SCAF4: variants seen among roughly 807,000 people sequenced by gnomAD.
SCAF4 encodes the protein SR-related CTD associated factor 4.
In SCAF4, 25 loss-of-function variants were observed where a neutral mutation model predicts 129.8. The observed-to-expected ratio is 0.19, with a 90% CI of 0.14 to 0.27. The LOEUF is 0.27. SCAF4 is among the 10% of genes least tolerant of loss of function. SCAF4 has a pLI of 1.00. For synonymous variants in SCAF4, 551 were observed against 497.7 expected, an observed-to-expected ratio of 1.11 and a Z score of -1.43; for missense variants, 1,246 against 1,457.1, an observed-to-expected ratio of 0.86 and a Z score of 2.36.
At chr21:31,698,481 C>T (rs1734101578) in intron 7 of SCAF4, among the ~76,000 whole-genome samples, 1 of 152,120 alleles carries the variant, frequency 6.6e-6, no homozygotes, top group South Asian at 2.1e-4. Flanking sequence ...TCCAGTTCAT[C>T]TGGAAAAGTA....
rs763615037 is a variant in SCAF4 at position 31,693,376 on chromosome 21, T to C, written c.1431A>G (p.Arg477=). ...TTTCTCGATCCCGTCTTTCTTGAGA[T>C]CGAGATCGGGGAGAATGTCGGCGTC... ...RDRRRHSPRS[R]SQERRDREKE... The change falls in exon 12 of 20, where the codon CGA becomes CGG. Residue 477 remains arginine (R), a synonymous_variant. Coordinates refer to ENST00000286835, the MANE Select transcript of SCAF4 (RefSeq NM_020706.2). The C allele has an allele frequency of 6.3e-7, 1 of 1,579,300 alleles. No homozygotes were observed. Among genetic ancestry groups the C allele is most frequent in the South Asian group, 1.1e-5 (1 of 87,968 alleles).
intron 1 of SCAF4, among the ~76,000 whole-genome samples, chr21:31,719,195 CAGG>C (rs1010215110): frequency 2.0e-5 from 3 of 151,958 alleles, no homozygotes; most frequent in African/African-American, 7.2e-5. Context: ...GAGGCTGAGC[CAGG>C]AGAATCACTT....
chr21:31,700,890 A>G, intron 7 of SCAF4, 105 bp downstream of exon 7: 1 of 1,253,560 alleles, frequency 8.0e-7, no homozygotes, highest in Non-Finnish European at 1.2e-6. Flanking sequence ...TCAAATTACA[A>G]AACGACATAA....
intron 1 of SCAF4, among the ~76,000 whole-genome samples, chr21:31,725,813 A>G (rs536535675): frequency 9.9e-5 from 15 of 152,248 alleles, no homozygotes; most frequent in Non-Finnish European, 1.8e-4. Context: ...TTATTAAACC[A>G]AAGTTTAAAT....
rs775784071 is a variant in SCAF4 at position 31,702,211 on chromosome 21, A to G, written c.457+33T>C. 1.9e-6 allele frequency: 3 copies of G among 1,612,782 alleles called. No individual in the cohort carries two copies. In the South Asian group the frequency reaches 3.3e-5, roughly 18 times the overall value. ...TGTTTCATGTGCAAAAAATCATACC[A>G]TTGTGTGAGCTCACAGATACATCTG... On this transcript the variant is annotated intron_variant, in intron 5 of 19. Coordinates refer to ENST00000286835, the MANE Select transcript of SCAF4 (RefSeq NM_020706.2).
rs1482278490 is a variant in SCAF4 at position 31,694,221 on chromosome 21, T to G, written c.1305A>C (p.Arg435Ser). 6.2e-7 allele frequency: 1 copy of G among 1,605,006 alleles called. No individual in the cohort carries two copies. The highest frequency in any genetic ancestry group is 8.5e-7 in the Non-Finnish European group (1 of 1,172,546). ...TAAATTACCTGGATGCTGACCTAGA[T>G]CTTGACTTTCTGTTATCAGACATAT... ...KRHMSDNRKSRSRSASRSPKR... is the reference protein window; with the variant it reads ...KRHMSDNRKSSSRSASRSPKR... Residue 435 changes from arginine to serine, a missense_variant, in exon 11 of 20, where the codon AGA (arginine) becomes AGC (serine). Transcript: ENST00000286835.
At chr21:31,687,781 G>A (rs1328579792) in intron 16 of SCAF4, among the ~76,000 whole-genome samples, 3 of 152,218 alleles carry the variant, frequency 2.0e-5, no homozygotes, top group Admixed American at 6.5e-5. Flanking sequence ...TGGATGGATA[G>A]ATGTAAGACA....
chr21:31,672,426 C>T (rs967803400), intron 19 of SCAF4, 72 bp from the exon 20 acceptor site: 9 of 1,164,674 alleles, frequency 7.7e-6, no homozygotes, highest in Admixed American at 2.1e-5. Flanking sequence ...TGTTCTGTGG[C>T]GCTTAAAGCA....
intron 15 of SCAF4, among the ~76,000 whole-genome samples, chr21:31,689,900 A>G (rs2050218762): frequency 6.6e-6 from 1 of 151,876 alleles, no homozygotes; most frequent in African/African-American, 2.4e-5. Context: ...ATGCCACTGC[A>G]CTCCAGCCTT....
intron 1 of SCAF4, among the ~76,000 whole-genome samples, chr21:31,716,400 C>T (rs1440056374): frequency 1.3e-5 from 2 of 152,062 alleles, no homozygotes; most frequent in Admixed American, 6.5e-5. Context: ...CTCACAATGA[C>T]AGGCTAGTAT....
intron 1 of SCAF4, among the ~76,000 whole-genome samples, chr21:31,711,077 T>G (rs891238968): frequency 2.0e-5 from 3 of 152,230 alleles, no homozygotes; most frequent in African/African-American, 7.2e-5. Context: ...CCCCAGCAGC[T>G]GGAACTATAG....
chr21:31,713,595 T>C (rs1371508537), intron 1 of SCAF4, among the ~76,000 whole-genome samples: 2 of 152,146 alleles, frequency 1.3e-5, no homozygotes, highest in African/African-American at 4.8e-5. Context: ...GTGTGTACTG[T>C]GGTCAAAAAT....
chr21:31,690,765 T>A (rs1357770884), intron 15 of SCAF4, 32 bp downstream of exon 15: 3 of 1,589,530 alleles, frequency 1.9e-6, no homozygotes, highest in Non-Finnish European at 2.6e-6. Context: ...AGCAAATAAG[T>A]GAACTGTAAG....
Position 31,693,382 on chromosome 21 carries a change from T to C in SCAF4, c.1425A>G (p.Arg475=). The C allele has an allele frequency of 6.3e-7, 1 of 1,583,124 alleles. No homozygotes were observed. The highest frequency in any genetic ancestry group is 8.6e-7 in the Non-Finnish European group (1 of 1,157,884). The change falls in exon 12 of 20, where the codon CGA becomes CGG. Residue 475 remains arginine, a synonymous_variant. Coordinates refer to ENST00000286835, the MANE Select transcript of SCAF4 (RefSeq NM_020706.2). ...RSRDRRRHSP[R]SRSQERRDRE... ...GATCCCGTCTTTCTTGAGATCGAGA[T>C]CGGGGAGAATGTCGGCGTCTATCCC... is the stretch of plus-strand genomic sequence containing the variant.
At position 31,671,969 on chromosome 21, in the gene SCAF4, T is replaced by C. The variant is rs1381145285; in HGVS notation, c.2874A>G (p.Gln958=). 3 of 1,610,214 alleles carry C rather than the reference T, an allele frequency of 1.9e-6. No homozygotes were observed. Among genetic ancestry groups the C allele is most frequent in the East Asian group, 2.2e-5 (1 of 44,824 alleles). ...QQQPQPQAPQ[Q]PQQQQQQQPP... is the part of the protein sequence containing the mutation. ...GCTGCTGCTGCTGCTGCTGCTGTGG[T>C]TGCTGGGGCGCCTGCGGCTGTGGCT... Residue 958 remains glutamine (Q), a synonymous_variant, in exon 20 of 20, where the codon CAA becomes CAG. Transcript: ENST00000286835.
chr21:31,696,093 T>G lies in SCAF4; in HGVS notation c.1068+20A>C. 1 of 1,559,628 alleles carries G rather than the reference T, an allele frequency of 6.4e-7. No individual in the cohort carries two copies. Among genetic ancestry groups the G allele is most frequent in the Non-Finnish European group, 8.8e-7 (1 of 1,131,024 alleles). ...ATAATGAATAGATCTTTCTTTGAACTGCAAGAAAAATGCTTGTACCTGATG... is the reference window on the plus strand; with the variant it reads ...ATAATGAATAGATCTTTCTTTGAACGGCAAGAAAAATGCTTGTACCTGATG... On this transcript the variant is annotated intron_variant, in intron 9 of 19. Transcript: ENST00000286835.
chr21:31,705,353 G>T, intron 3 of SCAF4, 70 bp downstream of exon 3: 1 of 732,696 alleles, frequency 1.4e-6, no homozygotes, highest in Non-Finnish European at 2.2e-6. Context: ...CAAGCATTGA[G>T]ATTAAAATTT....
At position 31,726,855 on chromosome 21, in the gene SCAF4, G is replaced by A. The variant is rs75722443; in HGVS notation, c.30+4808C>T. The stretch of plus-strand genomic sequence containing the variant: ...AAGCAGGTCAAAGCTGCAGTAAGCC[G>A]TGCTGGTGCCACTACACTCCAGTAT... On this transcript the variant is annotated intron_variant, in intron 1 of 19. Coordinates refer to ENST00000286835, the MANE Select transcript of SCAF4 (RefSeq NM_020706.2). Among the ~76,000 whole-genome samples the A allele has an allele frequency of 5.0e-3, 758 of 152,150 alleles. 53 individuals carry two copies. In the East Asian group the frequency reaches 0.12, roughly 25 times the overall value.
At chr21:31,729,693 A>G (rs940613128) in intron 1 of SCAF4, among the ~76,000 whole-genome samples, 5 of 152,228 alleles carry the variant, frequency 3.3e-5, no homozygotes, top group Admixed American at 6.5e-5. Context: ...AATTTAGCAG[A>G]AGAGAGCTGG....
Sources: allele counts gnomAD v4.1 joint callset (sites outside exome capture counted in the v4.1 genomes callset), GRCh38; gene constraint gnomAD v4.1.1; transcripts MANE v1.5; gene names NCBI Gene and HGNC (gene_info 2026-07-23, HGNC 2026-07-21).